The following KANK1 variants were observed in gnomAD, a reference collection of about 807,000 sequenced individuals.
The protein encoded by KANK1 is KN motif and ankyrin repeat domain-containing protein 1.
In KANK1, 109 loss-of-function variants were observed where a neutral mutation model predicts 106.2. The observed-to-expected ratio is 1.03, with a 90% CI of 0.88 to 1.20. The LOEUF (loss-of-function observed/expected upper bound fraction) is 1.20. Ranked by LOEUF, KANK1 falls within the 50% of genes most tolerant of loss-of-function variation. KANK1 has a pLI of 0.00. For missense variants in KANK1, 2,399 were observed against 1,710.7 expected, an observed-to-expected ratio of 1.40 and a Z score of -7.10; for synonymous variants, 873 against 652.2, an observed-to-expected ratio of 1.34 and a Z score of -5.16.
At chr9:663,430 G>C (rs576880842) in intron 1 of KANK1, among the ~76,000 whole-genome samples, 28 of 152,226 alleles carry the variant, frequency 1.8e-4, no homozygotes, top group African/African-American at 6.7e-4. Flanking sequence ...ACAAATGAAA[G>C]CAAATCAGTA....
At chr9:614,105 A>G (rs1831223191) in intron 1 of KANK1, among the ~76,000 whole-genome samples, 1 of 152,200 alleles carries the variant, frequency 6.6e-6, no homozygotes, top group South Asian at 2.1e-4. Context: ...CAGTGGCTGC[A>G]GGGTTTCCAG....
chr9:544,976 C>T (rs745810144), intron 1 of KANK1, among the ~76,000 whole-genome samples: 23 of 152,214 alleles, frequency 1.5e-4, no homozygotes, highest in South Asian at 4.1e-4. Flanking sequence ...GGCCTGAGAA[C>T]GGAGGCACCT....
At chr9:561,639 GT>G (rs1241197733) in intron 1 of KANK1, among the ~76,000 whole-genome samples, 1 of 152,230 alleles carries the variant, frequency 6.6e-6, no homozygotes, top group Admixed American at 6.5e-5. Flanking sequence ...GGAACCGCAT[GT>G]GTTAAAGAAG....
chr9:506,490 T>C (rs773758334), intron 1 of KANK1, among the ~76,000 whole-genome samples: 8 of 151,928 alleles, frequency 5.3e-5, no homozygotes, highest in Non-Finnish European at 1.0e-4. Context: ...CATAAATCAC[T>C]CTAGTCGAGG....
intron 6 of KANK1, 85 bp from the exon 7 acceptor site, chr9:734,663 C>G (rs1264090696): frequency 2.1e-6 from 2 of 934,766 alleles, no homozygotes; most frequent in Non-Finnish European, 3.3e-6. Context: ...ATGACCCTGT[C>G]TCAAAAAAAA....
chr9:708,437 G>T (rs898993746), intron 2 of KANK1, among the ~76,000 whole-genome samples: 2 of 152,240 alleles, frequency 1.3e-5, no homozygotes, highest in African/African-American at 4.8e-5. Context: ...TTAGGCTAGA[G>T]CATGACTGCT....
intron 1 of KANK1, among the ~76,000 whole-genome samples, chr9:671,138 G>T (rs1399005461): frequency 2.0e-5 from 3 of 151,548 alleles, no homozygotes; most frequent in Non-Finnish European, 4.4e-5. Flanking sequence ...ATTTTGAGTG[G>T]CAAGAATCTG....
chr9:701,864 A>G (rs1172552213), intron 2 of KANK1, among the ~76,000 whole-genome samples: 11 of 152,162 alleles, frequency 7.2e-5, no homozygotes, highest in Admixed American at 7.2e-4. Context: ...TTAAAATCAT[A>G]TAGTACTTTA....
At chr9:697,141 C>T (rs191506170) in intron 2 of KANK1, among the ~76,000 whole-genome samples, 2 of 151,636 alleles carry the variant, frequency 1.3e-5, no homozygotes, top group South Asian at 2.1e-4. Flanking sequence ...GTCTTTTTGG[C>T]CTCCTTCCAT....
chr9:573,640 G>A (rs1339340327), intron 1 of KANK1, among the ~76,000 whole-genome samples: 1 of 152,034 alleles, frequency 6.6e-6, no homozygotes, highest in Non-Finnish European at 1.5e-5. Flanking sequence ...AGGATAGCAG[G>A]GATTAAGTAA....
chr9:550,323 C>A (rs921520665), intron 1 of KANK1, among the ~76,000 whole-genome samples: 6 of 151,912 alleles, frequency 3.9e-5, no homozygotes, highest in Non-Finnish European at 7.4e-5. Context: ...ACCAAAAAAA[C>A]CTCCTTCTTA....
chr9:548,861 T>C (rs1173399034), intron 1 of KANK1, among the ~76,000 whole-genome samples: 1 of 152,136 alleles, frequency 6.6e-6, no homozygotes, highest in Non-Finnish European at 1.5e-5. Flanking sequence ...GGAGGATTGC[T>C]TGAGTCCAGG....
intron 1 of KANK1, among the ~76,000 whole-genome samples, chr9:636,526 C>T (rs542249622): frequency 2.0e-5 from 3 of 152,234 alleles, no homozygotes; most frequent in Non-Finnish European, 2.9e-5. Context: ...GAGTCCGAAA[C>T]GTTGTCCACT....
At position 479,219 on chromosome 9, in the gene KANK1, C is replaced by T. The variant is rs371717131; in HGVS notation, c.-362+5946C>T. On this transcript the variant is annotated intron_variant, in intron 3 of 15. Coordinates refer to the KANK1 transcript ENST00000382303. ...GCTGCTGTGTGTTCTTCCTGGTTAC[C>T]AATGTTAACAGACGCATAAGCTATT... Among the ~76,000 whole-genome samples, 24 of 152,274 alleles carry T rather than the reference C, an allele frequency of 1.6e-4. No individual in the cohort carries two copies. In the East Asian group the frequency reaches 3.7e-3, roughly 23 times the overall value.
chr9:704,768 G>C (rs1028301286), intron 2 of KANK1, among the ~76,000 whole-genome samples: 1 of 151,950 alleles, frequency 6.6e-6, no homozygotes, highest in East Asian at 1.9e-4. Flanking sequence ...ATTGCTTGAG[G>C]CCAGGAGTTC....
chr9:591,953 C>T (rs1453047396), intron 1 of KANK1, among the ~76,000 whole-genome samples: 1 of 151,714 alleles, frequency 6.6e-6, no homozygotes, highest in Admixed American at 6.6e-5. Context: ...GCCACTGTGC[C>T]CAGCCACAAT....
chr9:664,278 A>T (rs937216328), intron 1 of KANK1, among the ~76,000 whole-genome samples: 11 of 152,118 alleles, frequency 7.2e-5, no homozygotes, highest in Admixed American at 5.9e-4. Context: ...TATCCTCATG[A>T]GATTCAGTTT....
chr9:732,751 A>T, intron 6 of KANK1, 134 bp downstream of exon 6: 2 of 911,412 alleles, frequency 2.2e-6, no homozygotes, highest in Non-Finnish European at 3.3e-6. Context: ...ACATCTTGAG[A>T]TACTAATATA....
chr9:642,432 A>G (rs1390916075), intron 1 of KANK1, among the ~76,000 whole-genome samples: 2 of 151,046 alleles, frequency 1.3e-5, no homozygotes, highest in Non-Finnish European at 2.9e-5. Context: ...TGAACAAACT[A>G]AAAACTACAA....
Sources: gnomAD v4.1 joint callset for allele counts (sites outside exome capture counted in the v4.1 genomes callset) on GRCh38, gnomAD v4.1.1 for gene constraint, MANE v1.5 for transcripts, NCBI Gene and HGNC (gene_info 2026-07-23, HGNC 2026-07-21) for gene names.